DCAF7: variants seen among roughly 807,000 people sequenced by gnomAD.
DCAF7 encodes DDB1 and CUL4 associated factor 7.
In DCAF7, 4 loss-of-function variants were observed where a neutral mutation model predicts 41.2. That is an observed-to-expected ratio of 0.10 (90% CI 0.05 to 0.22). DCAF7 has a LOEUF of 0.22. Ranked by LOEUF, DCAF7 falls within the 10% of genes least tolerant of loss-of-function variation. The pLI is 1.00. For synonymous variants in DCAF7, 143 were observed against 164.2 expected (o/e 0.87, Z 0.99); for missense variants, 131 against 443.2 (o/e 0.30, Z 6.32).
intron 1 of DCAF7, among the ~76,000 whole-genome samples, chr17:63,578,213 A>T (rs1284225171): frequency 6.6e-6 from 1 of 151,998 alleles, no homozygotes; most frequent in Admixed American, 6.6e-5. Flanking sequence ...AAATGAACAA[A>T]ATTAGCTGTG....
rs200265994 is a variant in DCAF7, at chr17:63,585,206, C to T, written c.739-5C>T. 1.5e-3 allele frequency: 2,437 copies of T among 1,611,698 alleles called. 4 individuals are homozygous for T. Among genetic ancestry groups the T allele is most frequent in the Non-Finnish European group, 1.9e-3 (2,244 of 1,178,108 alleles). ...TCCCAGGCCTTTTACTTGTTATTTCCGCAGGTGGTGATTCTAGATGTCCGG... is the reference window on the plus strand; with the variant it reads ...TCCCAGGCCTTTTACTTGTTATTTCTGCAGGTGGTGATTCTAGATGTCCGG... On this transcript the variant is annotated splice_polypyrimidine_tract_variant and splice_region_variant and intron_variant, in intron 5 of 6. Coordinates refer to ENST00000614556, the MANE Select transcript of DCAF7 (RefSeq NM_005828.5).
At chr17:63,577,615 C>T (rs955722878) in intron 1 of DCAF7, among the ~76,000 whole-genome samples, 2 of 152,114 alleles carry the variant, frequency 1.3e-5, no homozygotes, top group Admixed American at 1.3e-4. Flanking sequence ...GGCTCTCAAA[C>T]GGTCATTTGA....
intron 1 of DCAF7, among the ~76,000 whole-genome samples, chr17:63,555,111 C>T (rs1318394428): frequency 6.6e-6 from 1 of 152,206 alleles, no homozygotes; most frequent in Non-Finnish European, 1.5e-5. Flanking sequence ...TATGTTTGGT[C>T]TTTAGGCCCA....
intron 5 of DCAF7, among the ~76,000 whole-genome samples, chr17:63,584,941 T>C (rs1353269338): frequency 6.6e-6 from 1 of 152,150 alleles, no homozygotes; most frequent in East Asian, 1.9e-4. Flanking sequence ...CACATGCACC[T>C]GCTGGGACCC....
intron 1 of DCAF7, among the ~76,000 whole-genome samples, chr17:63,559,804 AG>A (rs1485908464): frequency 3.3e-5 from 5 of 152,026 alleles, no homozygotes; most frequent in African/African-American, 1.2e-4. Flanking sequence ...TCCGTCTCAA[AG>A]AAAAAAAAAC....
chr17:63,566,327 C>T lies in DCAF7; in HGVS notation c.139-12143C>T, dbSNP rs182900206. 2.9e-4 allele frequency among the ~76,000 whole-genome samples: 44 copies of T among 151,274 alleles called. 1 individual carries two copies. The highest frequency in any genetic ancestry group is 9.2e-4 in the African/African-American group (38 of 41,154). On this transcript the variant is annotated intron_variant, in intron 1 of 6. Coordinates refer to ENST00000614556, the MANE Select transcript of DCAF7 (RefSeq NM_005828.5). The stretch of plus-strand genomic sequence containing the variant: ...CGGAACTTAGAGTGAGCAGAGATGG[C>T]GCCACTGCACACCAGCCTGGGCAAA...
In DCAF7 at chr17:63,593,514, G is replaced by A. The variant is rs2033755382; in HGVS notation, c.*4342G>A. 2 of 152,726 alleles carry A rather than the reference G, an allele frequency of 1.3e-5. No individual in the cohort carries two copies. Among genetic ancestry groups the A allele is most frequent in the South Asian group, 4.1e-4 (2 of 4,828 alleles). 9.5% of individuals were successfully genotyped at this position (152,726 alleles called of 1,614,324 possible). On this transcript the variant is annotated 3_prime_UTR_variant, in exon 7 of 7. Coordinates refer to ENST00000614556, the MANE Select transcript of DCAF7 (RefSeq NM_005828.5). Reference sequence around the variant, plus strand: ...TAAGCTAAAGAAAGTTTAAACTCAAGAAGAAAGATGTTGACAGTCTATGTA... The same window carrying A: ...TAAGCTAAAGAAAGTTTAAACTCAAAAAGAAAGATGTTGACAGTCTATGTA...
chr17:63,553,994 G>A (rs1216297776), intron 1 of DCAF7, among the ~76,000 whole-genome samples: 14 of 152,056 alleles, frequency 9.2e-5, no homozygotes, highest in South Asian at 2.1e-4. Context: ...GCTTGAGCCC[G>A]GGAGTTTGAT....
chr17:63,569,644 A>G (rs1355373422), intron 1 of DCAF7, among the ~76,000 whole-genome samples: 1 of 152,206 alleles, frequency 6.6e-6, no homozygotes. Flanking sequence ...TTAGGAGCCA[A>G]TACTATCTGA....
chr17:63,570,366 A>G (rs1325475772), intron 1 of DCAF7, among the ~76,000 whole-genome samples: 1 of 152,024 alleles, frequency 6.6e-6, no homozygotes, highest in Non-Finnish European at 1.5e-5. Context: ...AGGCACAAGA[A>G]TCGCTTGAAC....
intron 4 of DCAF7, among the ~76,000 whole-genome samples, chr17:63,580,880 T>C (rs995769121): frequency 1.3e-5 from 2 of 152,144 alleles, no homozygotes; most frequent in Admixed American, 6.6e-5. Flanking sequence ...CATAAGTCTT[T>C]TCCTCCTACA....
intron 1 of DCAF7, among the ~76,000 whole-genome samples, chr17:63,577,223 C>G (rs190454281): frequency 4.6e-5 from 7 of 152,160 alleles, no homozygotes; most frequent in African/African-American, 1.7e-4. Context: ...TGTACATTTG[C>G]CAAAACTCAT....
chr17:63,550,868 C>A lies in DCAF7; in HGVS notation c.138+53C>A, dbSNP rs2033243029. Reference sequence around the variant, plus strand: ...GCTGGCGGGGAGCGGGCCCCGGGAGCGCCCTTTCCGGGCCGGAGCCCAGGC... The same window carrying A: ...GCTGGCGGGGAGCGGGCCCCGGGAGAGCCCTTTCCGGGCCGGAGCCCAGGC... On this transcript the variant is annotated intron_variant, in intron 1 of 6. Coordinates refer to ENST00000614556, the MANE Select transcript of DCAF7 (RefSeq NM_005828.5). This position sits in a 1 kb window ranked among gnomAD's most constrained non-coding sequence, Gnocchi z 4.8. 1 of 1,582,716 alleles carries A rather than the reference C, an allele frequency of 6.3e-7. No homozygotes were observed. The highest frequency in any genetic ancestry group is 8.6e-7 in the Non-Finnish European group (1 of 1,165,452).
chr17:63,556,676 G>A (rs2033314647), intron 1 of DCAF7, among the ~76,000 whole-genome samples: 1 of 151,968 alleles, frequency 6.6e-6, no homozygotes, highest in South Asian at 2.1e-4. Flanking sequence ...AGACCAGCCT[G>A]ACCAACATGG....
chr17:63,559,717 G>A (rs1378721874), intron 1 of DCAF7, among the ~76,000 whole-genome samples: 5 of 150,870 alleles, frequency 3.3e-5, no homozygotes, highest in East Asian at 3.9e-4. Context: ...CAGGAGAATC[G>A]CTTGAACCCA....
intron 1 of DCAF7, chr17:63,573,171 T>C (rs2033525117): frequency 6.6e-6 from 1 of 152,242 alleles, no homozygotes; most frequent in Non-Finnish European, 1.5e-5. Flanking sequence ...TATTTTGGTA[T>C]AGGCATGCAA....
intron 1 of DCAF7, among the ~76,000 whole-genome samples, chr17:63,565,231 G>A (rs1227338583): frequency 6.6e-6 from 1 of 152,172 alleles, no homozygotes; most frequent in Non-Finnish European, 1.5e-5. Flanking sequence ...GGTGATTTCC[G>A]TGTAATGGTG....
At chr17:63,581,389 T>C (rs940240105) in intron 4 of DCAF7, among the ~76,000 whole-genome samples, 2 of 152,162 alleles carry the variant, frequency 1.3e-5, no homozygotes, top group African/African-American at 4.8e-5. Flanking sequence ...TAGGTAGCAG[T>C]GAGGTCATCC....
At position 63,579,428 on chromosome 17, in the gene DCAF7, A is replaced by AGGTG; in HGVS notation, c.391_394dup (p.Asp132GlyfsTer12). The AGGTG allele has an allele frequency of 6.2e-7, 1 of 1,608,268 alleles. No individual in the cohort carries two copies. The highest frequency in any genetic ancestry group is 8.5e-7 in the Non-Finnish European group (1 of 1,177,018). On this transcript the variant is annotated frameshift_variant, in exon 3 of 7. Coordinates refer to ENST00000614556, the MANE Select transcript of DCAF7 (RefSeq NM_005828.5). LOFTEE classifies it high-confidence loss of function. ...CCCCTGACCTCCTTTGACTGGAATG[A>AGGTG]GGTGGATCCTTATCTTTTAGGTAAG...
Sources: allele counts gnomAD v4.1 joint callset (sites outside exome capture counted in the v4.1 genomes callset), GRCh38; gene constraint gnomAD v4.1.1; non-coding constraint Gnocchi (gnomAD v3.1); transcripts MANE v1.5; gene names NCBI Gene and HGNC (gene_info 2026-07-23, HGNC 2026-07-21).